The following ATP8A2 variants were observed in gnomAD, a reference collection of about 807,000 sequenced individuals.
The protein encoded by ATP8A2 is ATPase phospholipid transporting 8A2.
A neutral mutation model predicts 165.6 loss-of-function variants in ATP8A2; 100 were observed. The ratio of observed to expected loss-of-function variants is 0.60; its 90% CI spans 0.51 to 0.71. The LOEUF (loss-of-function observed/expected upper bound fraction) is 0.71. Ranked by LOEUF, ATP8A2 falls within the 30% of genes least tolerant of loss-of-function variation. The pLI is 0.00. For synonymous variants in ATP8A2, 543 were observed against 548.8 expected (o/e 0.99, Z 0.15); for missense variants, 1,227 against 1,479.5 (o/e 0.83, Z 2.80).
At chr13:25,932,158 A>G (rs1230451634) in intron 33 of ATP8A2, among the ~76,000 whole-genome samples, 1 of 152,130 alleles carries the variant, frequency 6.6e-6, no homozygotes, top group Non-Finnish European at 1.5e-5. Flanking sequence ...AGTAGAAAAA[A>G]TGTAGCACGG....
chr13:25,411,385 T>G (rs561912112), intron 1 of ATP8A2, among the ~76,000 whole-genome samples: 1 of 152,368 alleles, frequency 6.6e-6, no homozygotes, highest in African/African-American at 2.4e-5. Flanking sequence ...GTTTGCTTCA[T>G]GGCTCCCAAC....
chr13:25,398,184 CA>C (rs1207497030), intron 1 of ATP8A2, among the ~76,000 whole-genome samples: 3 of 152,060 alleles, frequency 2.0e-5, no homozygotes, highest in Middle Eastern at 3.4e-3. Context: ...CAAAATATGT[CA>C]AAAAAATATA....
At chr13:25,936,187 A>G (rs1954884083) in intron 33 of ATP8A2, among the ~76,000 whole-genome samples, 1 of 152,168 alleles carries the variant, frequency 6.6e-6, no homozygotes. Context: ...CTGTGTTGCA[A>G]ATGGTTTGAA....
chr13:25,537,363 A>C (rs1198797575), intron 6 of ATP8A2, among the ~76,000 whole-genome samples: 2 of 152,150 alleles, frequency 1.3e-5, no homozygotes, highest in Non-Finnish European at 2.9e-5. Context: ...CCTGGTTCTA[A>C]CACTCAGTGG....
At chr13:25,771,773 G>A (rs1023736460) in intron 26 of ATP8A2, among the ~76,000 whole-genome samples, 2 of 152,156 alleles carry the variant, frequency 1.3e-5, no homozygotes, top group African/African-American at 4.8e-5. Context: ...CTTCAGGGCA[G>A]GTTCCTGCTA....
intron 35 of ATP8A2, among the ~76,000 whole-genome samples, chr13:25,973,304 C>G (rs1471588936): frequency 2.0e-5 from 3 of 152,112 alleles, no homozygotes; most frequent in African/African-American, 7.2e-5. Flanking sequence ...GCCCTGTGAC[C>G]CGGGGTAATC....
At chr13:25,814,176 G>A (rs985071544) in intron 27 of ATP8A2, among the ~76,000 whole-genome samples, 14 of 151,298 alleles carry the variant, frequency 9.3e-5, no homozygotes, top group African/African-American at 3.4e-4. Context: ...GAATATCTGT[G>A]GTATTTAGAA....
intron 9 of ATP8A2, 148 bp from the exon 10 acceptor site, chr13:25,543,143 G>A (rs1461786811): frequency 4.0e-6 from 2 of 496,762 alleles, no homozygotes; most frequent in Non-Finnish European, 7.2e-6. Context: ...TAAGCCAATG[G>A]TAACCTTTGT....
chr13:25,443,245 G>C (rs1157988675), intron 1 of ATP8A2, among the ~76,000 whole-genome samples: 1 of 152,162 alleles, frequency 6.6e-6, no homozygotes, highest in Non-Finnish European at 1.5e-5. Flanking sequence ...TGAAGTGATA[G>C]CAACCTATAG....
intron 25 of ATP8A2, among the ~76,000 whole-genome samples, chr13:25,761,063 G>T (rs2044369129): frequency 6.6e-6 from 1 of 152,174 alleles, no homozygotes; most frequent in Non-Finnish European, 1.5e-5. Context: ...CACCTTTGCA[G>T]AGACTCCTGG....
rs146363074 is a variant in ATP8A2 at position 25,734,730 on chromosome 13, C to G, written c.2385-34316C>G. Among the ~76,000 whole-genome samples the G allele has an allele frequency of 3.1e-3, 479 of 152,266 alleles. 4 individuals carry two copies. Among genetic ancestry groups the G allele is most frequent in the African/African-American group, 0.01 (432 of 41,550 alleles). Reference sequence around the variant, plus strand: ...CTCAGCTCACTGCAACCCCCGGCCCCCAGATTCAAGCGATTCTCCTGCCTC... The same window carrying G: ...CTCAGCTCACTGCAACCCCCGGCCCGCAGATTCAAGCGATTCTCCTGCCTC... On this transcript the variant is annotated intron_variant, in intron 25 of 36. Coordinates refer to ENST00000381655, the MANE Select transcript of ATP8A2 (RefSeq NM_016529.6).
At chr13:25,530,757 A>G (rs370435607) in intron 4 of ATP8A2, 97 bp downstream of exon 4, 2 of 761,748 alleles carry the variant, frequency 2.6e-6, no homozygotes, top group African/African-American at 1.7e-5. Context: ...AAATTGGGCT[A>G]TAGCTTAACC....
rs1378560539 is a variant in ATP8A2 at position 25,626,476 on chromosome 13, C to T, written c.2211+36777C>T. 2.0e-5 allele frequency among the ~76,000 whole-genome samples: 3 copies of T among 152,242 alleles called. No individual in the cohort carries two copies. In the East Asian group the frequency reaches 5.8e-4, roughly 29 times the overall value. ...GGCCTTGTCTAATCCTAATTACCTC[C>T]TGAAGCCTCCATGTCCAATCAGCAT... is the stretch of plus-strand genomic sequence containing the variant. On this transcript the variant is annotated intron_variant, in intron 24 of 36. Coordinates refer to ENST00000381655, the MANE Select transcript of ATP8A2 (RefSeq NM_016529.6).
intron 1 of ATP8A2, among the ~76,000 whole-genome samples, chr13:25,377,405 T>C (rs1480350041): frequency 6.6e-6 from 1 of 152,198 alleles, no homozygotes; most frequent in Admixed American, 6.5e-5. Flanking sequence ...AAACAGGACC[T>C]ACTCCAGGAC....
At chr13:25,576,835 C>A (rs888930518) in intron 19 of ATP8A2, among the ~76,000 whole-genome samples, 2 of 152,080 alleles carry the variant, frequency 1.3e-5, no homozygotes, top group African/African-American at 4.8e-5. Flanking sequence ...CTGCAAATAG[C>A]GGTCCTAGTC....
At chr13:25,790,282 T>C (rs1444010323) in intron 27 of ATP8A2, among the ~76,000 whole-genome samples, 1 of 152,004 alleles carries the variant, frequency 6.6e-6, no homozygotes, top group African/African-American at 2.4e-5. Context: ...ACAGAGTAAA[T>C]AGACAACCTA....
chr13:25,621,789 A>T (rs1466381272), intron 24 of ATP8A2, among the ~76,000 whole-genome samples: 1 of 152,176 alleles, frequency 6.6e-6, no homozygotes, highest in Non-Finnish European at 1.5e-5. Context: ...TTTACCTGAA[A>T]ATGGGATTCC....
At chr13:25,617,712 T>A (rs952042155) in intron 24 of ATP8A2, among the ~76,000 whole-genome samples, 2 of 152,210 alleles carry the variant, frequency 1.3e-5, no homozygotes, top group Non-Finnish European at 2.9e-5. Flanking sequence ...ACTTACTGAA[T>A]TATGTAGATT....
intron 27 of ATP8A2, among the ~76,000 whole-genome samples, chr13:25,783,705 T>C (rs1360850716): frequency 6.6e-6 from 1 of 152,154 alleles, no homozygotes; most frequent in African/African-American, 2.4e-5. Context: ...GGTCAGGGAA[T>C]GTGCCAAAGA....
Sources: gnomAD v4.1 joint callset for allele counts (sites outside exome capture counted in the v4.1 genomes callset) on GRCh38, gnomAD v4.1.1 for gene constraint, MANE v1.5 for transcripts, NCBI Gene and HGNC (gene_info 2026-07-23, HGNC 2026-07-21) for gene names.